The following TWSG1 variants were observed in gnomAD, a reference collection of about 807,000 sequenced individuals.
TWSG1 encodes the protein twisted gastrulation protein homolog 1.
TWSG1 carries 15 observed loss-of-function variants against 23.0 expected under a neutral mutation model. The ratio of observed to expected loss-of-function variants is 0.65; its 90% confidence interval spans 0.44 to 1.00. TWSG1 has a LOEUF of 1.00. Ranked by LOEUF, TWSG1 falls within the 50% of genes least tolerant of loss-of-function variation. TWSG1 has a pLI of 0.00. For synonymous variants in TWSG1, 86 were observed against 92.8 expected (o/e 0.93, Z 0.42); for missense variants, 242 against 278.7 (o/e 0.87, Z 0.94).
At chr18:9,372,163 A>G (rs1162098163) in intron 3 of TWSG1, among the ~76,000 whole-genome samples, 1 of 146,598 alleles carries the variant, frequency 6.8e-6, no homozygotes, top group South Asian at 2.2e-4. Flanking sequence ...TATATATTAT[A>G]TATTTGTATA....
chr18:9,364,249 C>T (rs1311260158), intron 3 of TWSG1, among the ~76,000 whole-genome samples: 1 of 152,118 alleles, frequency 6.6e-6, no homozygotes, highest in Admixed American at 6.5e-5. Context: ...TTTCTATTTC[C>T]TATAGGCTGG....
intron 3 of TWSG1, among the ~76,000 whole-genome samples, chr18:9,366,547 C>G (rs899733847): frequency 6.6e-6 from 1 of 152,172 alleles, no homozygotes; most frequent in Non-Finnish European, 1.5e-5. Flanking sequence ...CAGTACTAAC[C>G]TTGACGGGTC....
At chr18:9,373,663 G>A (rs1048229733) in intron 3 of TWSG1, among the ~76,000 whole-genome samples, 1 of 152,194 alleles carries the variant, frequency 6.6e-6, no homozygotes. Flanking sequence ...ATAGGGACAT[G>A]TTTGAACTCA....
At chr18:9,369,130 AATAAATAAAT>A (rs2040592969) in intron 3 of TWSG1, among the ~76,000 whole-genome samples, 1 of 21,358 alleles carries the variant, frequency 4.7e-5, no homozygotes, top group African/African-American at 1.6e-4. Context: ...CAAACAAACA[AATAAATAAAT>A]AAAATAAAAT....
chr18:9,382,492 C>T (rs922377668), intron 3 of TWSG1, among the ~76,000 whole-genome samples: 2 of 151,708 alleles, frequency 1.3e-5, no homozygotes, highest in Admixed American at 6.6e-5. Flanking sequence ...CACTGCACTC[C>T]AGCCTAGGTG....
intron 4 of TWSG1, 180 bp downstream of exon 4, chr18:9,396,726 A>C (rs553151718): frequency 1.5e-6 from 1 of 645,922 alleles, no homozygotes; most frequent in African/African-American, 4.2e-5. Flanking sequence ...ACATGCCAGA[A>C]GGATAAGAGA....
chr18:9,352,103 C>T (rs968683479), intron 2 of TWSG1, among the ~76,000 whole-genome samples: 9 of 152,176 alleles, frequency 5.9e-5, no homozygotes, highest in African/African-American at 1.9e-4. Context: ...AGCCTCAGCC[C>T]CTGGCAACCA....
intron 2 of TWSG1, among the ~76,000 whole-genome samples, chr18:9,341,120 C>T (rs2040444767): frequency 1.3e-5 from 2 of 152,270 alleles, no homozygotes; most frequent in South Asian, 4.1e-4. Flanking sequence ...TGCAGGTCCA[C>T]CTGGATTTAA....
At chr18:9,347,675 C>T (rs1198092011) in intron 2 of TWSG1, among the ~76,000 whole-genome samples, 1 of 150,716 alleles carries the variant, frequency 6.6e-6, no homozygotes, top group Admixed American at 6.6e-5. Context: ...TTTTCTATCC[C>T]ATCATACCTT....
intron 2 of TWSG1, among the ~76,000 whole-genome samples, chr18:9,337,581 T>C (rs1258756405): frequency 2.6e-5 from 4 of 152,186 alleles, no homozygotes; most frequent in Non-Finnish European, 5.9e-5. Flanking sequence ...TAATATCCTG[T>C]TGTATAAACA....
chr18:9,382,391 C>T (rs563986054), intron 3 of TWSG1, among the ~76,000 whole-genome samples: 6 of 151,944 alleles, frequency 3.9e-5, no homozygotes, highest in African/African-American at 1.2e-4. Flanking sequence ...GGTGTGGTGG[C>T]GCATGCCTGT....
intron 3 of TWSG1, among the ~76,000 whole-genome samples, chr18:9,384,328 A>G (rs541113066): frequency 6.6e-6 from 1 of 152,326 alleles, no homozygotes; most frequent in African/African-American, 2.4e-5. Context: ...TGAGGGGCCT[A>G]TAAGGTTCCC....
intron 3 of TWSG1, among the ~76,000 whole-genome samples, chr18:9,390,678 T>A (rs2040708279): frequency 6.6e-6 from 1 of 152,206 alleles, no homozygotes; most frequent in Non-Finnish European, 1.5e-5. Context: ...CTCTGTTACA[T>A]GTCATGCTAT....
At chr18:9,387,775 A>G (rs1454383792) in intron 3 of TWSG1, among the ~76,000 whole-genome samples, 12 of 151,446 alleles carry the variant, frequency 7.9e-5, no homozygotes, top group Non-Finnish European at 1.6e-4. Flanking sequence ...TGTCTCAAAA[A>G]AAAAAAAAAA....
At position 9,346,016 on chromosome 18, in the gene TWSG1, G is replaced by A. The variant is rs572164977; in HGVS notation, c.123+8664G>A. On this transcript the variant is annotated intron_variant, in intron 2 of 4. Coordinates refer to ENST00000262120, the MANE Select transcript of TWSG1 (RefSeq NM_020648.6). ...TAACTAAAATCTATGCTTTGCATTA[G>A]CATTAACTCTTTGTGTTTTACATTT... Among the ~76,000 whole-genome samples, 19 of 152,172 alleles carry A rather than the reference G, an allele frequency of 1.2e-4. No individual in the cohort carries two copies. In the South Asian group the frequency reaches 2.5e-3, roughly 20 times the overall value.
intron 2 of TWSG1, among the ~76,000 whole-genome samples, chr18:9,348,572 C>A (rs1287079517): frequency 6.6e-6 from 1 of 152,196 alleles, no homozygotes; most frequent in African/African-American, 2.4e-5. Flanking sequence ...GCTTTGCTTT[C>A]CATTCCAACA....
chr18:9,396,410 CG>C lies in TWSG1; in HGVS notation c.355del (p.Val119PhefsTer19). 1.2e-6 allele frequency: 2 copies of C among 1,614,174 alleles called. No homozygotes were observed. The highest frequency in any genetic ancestry group is 1.7e-6 in the Non-Finnish European group (2 of 1,180,032). ...GAGATACTCAGTTGAATTGGAACATCGTTTCTTTCCCTGTTGCAGAAGAACT... is the reference window on the plus strand; with the variant it reads ...GAGATACTCAGTTGAATTGGAACATCTTTCTTTCCCTGTTGCAGAAGAACT... ...EGDTQLNWNI[V>X]SFPVAEELSH... is the part of the protein sequence containing the mutation. On this transcript the variant is annotated frameshift_variant, in exon 4 of 5. Coordinates refer to ENST00000262120, the MANE Select transcript of TWSG1 (RefSeq NM_020648.6). LOFTEE classifies it high-confidence loss of function.
chr18:9,379,732 A>G (rs2040647788), intron 3 of TWSG1, among the ~76,000 whole-genome samples: 1 of 152,270 alleles, frequency 6.6e-6, no homozygotes, highest in Non-Finnish European at 1.5e-5. Context: ...ACAATTCCAT[A>G]TAAAAGAAAT....
At chr18:9,339,189 A>G (rs951256184) in intron 2 of TWSG1, among the ~76,000 whole-genome samples, 3 of 147,724 alleles carry the variant, frequency 2.0e-5, no homozygotes, top group Non-Finnish European at 4.5e-5. Flanking sequence ...TGGGTGACAG[A>G]GCAAGACCCT....
Sources: allele counts gnomAD v4.1 joint callset (sites outside exome capture counted in the v4.1 genomes callset), GRCh38; gene constraint gnomAD v4.1.1; transcripts MANE v1.5; gene names NCBI Gene and HGNC (gene_info 2026-07-23, HGNC 2026-07-21).